Variants in SPAG16 observed in about 807,000 individuals in gnomAD.
SPAG16 encodes sperm-associated antigen 16 protein.
In SPAG16, 86 loss-of-function variants were observed where a neutral mutation model predicts 80.4. That is an observed-to-expected ratio of 1.07 (90% confidence interval 0.90 to 1.28). SPAG16 has a LOEUF of 1.28. Among genes scored for constraint, SPAG16 ranks in the 50% most tolerant of loss-of-function variants. The pLI, the probability that SPAG16 is intolerant of heterozygous loss-of-function variation, is 0.00. For missense variants in SPAG16, 870 were observed against 765.3 expected (o/e 1.14, Z -1.61); for synonymous variants, 294 against 265.9 (o/e 1.11, Z -1.03).
At chr2:213,473,382 T>G (rs1345775124) in intron 9 of SPAG16, among the ~76,000 whole-genome samples, 2 of 152,182 alleles carry the variant, frequency 1.3e-5, no homozygotes, top group Non-Finnish European at 2.9e-5. Flanking sequence ...AGATCTGACA[T>G]ACAGAGAAGA....
In SPAG16 at chr2:213,384,898, G is replaced by T. The variant is rs1230216081; in HGVS notation, c.942+9779G>T. Reference sequence around the variant, plus strand: ...AGCGTTCTATGGTTCAGGATATCCTGATAGCCCTTACCACCTTGCTGTTCT... The same window carrying T: ...AGCGTTCTATGGTTCAGGATATCCTTATAGCCCTTACCACCTTGCTGTTCT... On this transcript the variant is annotated intron_variant, in intron 9 of 15. Coordinates refer to ENST00000331683, the MANE Select transcript of SPAG16 (RefSeq NM_024532.5). Among the ~76,000 whole-genome samples the T allele has an allele frequency of 1.3e-5, 2 of 152,180 alleles. 1 individual carries two copies. Among genetic ancestry groups the T allele is most frequent in the African/African-American group, 4.8e-5 (2 of 41,450 alleles).
intron 10 of SPAG16, among the ~76,000 whole-genome samples, chr2:213,667,375 C>T (rs573147200): frequency 6.6e-6 from 1 of 152,272 alleles, no homozygotes; most frequent in African/African-American, 2.4e-5. Context: ...AAAGCGGGTT[C>T]TTGCACCCAC....
chr2:214,237,717 T>C (rs769495922), intron 15 of SPAG16, among the ~76,000 whole-genome samples: 4 of 152,042 alleles, frequency 2.6e-5, no homozygotes, highest in Non-Finnish European at 4.4e-5. Flanking sequence ...TAACTATATC[T>C]TTACTTCATC....
chr2:213,836,469 T>C (rs1215718085), intron 10 of SPAG16, among the ~76,000 whole-genome samples: 1 of 152,158 alleles, frequency 6.6e-6, no homozygotes, highest in African/African-American at 2.4e-5. Flanking sequence ...GCATTGGTTG[T>C]TATGATGCTT....
At chr2:214,379,239 A>G (rs1358254908) in intron 15 of SPAG16, among the ~76,000 whole-genome samples, 1 of 152,248 alleles carries the variant, frequency 6.6e-6, no homozygotes, top group Admixed American at 6.5e-5. Flanking sequence ...TTTCCTACCC[A>G]ACCAACTCTG....
Position 214,320,340 on chromosome 2 carries a change from A to G in SPAG16, c.1721-89800A>G, listed in dbSNP as rs745808859. 5.9e-5 allele frequency among the ~76,000 whole-genome samples: 9 copies of G among 152,306 alleles called. No individual in the cohort carries two copies. The South Asian group carries it at 1.5e-3, about 25-fold the overall frequency. Reference sequence around the variant, plus strand: ...CTTCTTGTACTCCTACATATGGGGTAAGGGCCTCCCTTGCTCCCATGATAC... The same window carrying G: ...CTTCTTGTACTCCTACATATGGGGTGAGGGCCTCCCTTGCTCCCATGATAC... On this transcript the variant is annotated intron_variant, in intron 15 of 15. Coordinates refer to ENST00000331683, the MANE Select transcript of SPAG16 (RefSeq NM_024532.5).
At chr2:213,746,667 C>T (rs968887796) in intron 10 of SPAG16, among the ~76,000 whole-genome samples, 3 of 151,986 alleles carry the variant, frequency 2.0e-5, no homozygotes, top group Non-Finnish European at 2.9e-5. Context: ...ATTAGCTGGG[C>T]GTGGTGGTGC....
chr2:214,213,344 T>A, intron 15 of SPAG16, among the ~76,000 whole-genome samples: 1 of 152,322 alleles, frequency 6.6e-6, no homozygotes, highest in Middle Eastern at 3.4e-3. Context: ...GCCTGAATTT[T>A]AAGCAAAGCT....
intron 10 of SPAG16, among the ~76,000 whole-genome samples, chr2:213,613,929 A>T (rs1024464986): frequency 1.3e-5 from 2 of 152,216 alleles, no homozygotes; most frequent in Non-Finnish European, 2.9e-5. Flanking sequence ...TTCAAATAGA[A>T]ACTGATGTTA....
chr2:213,615,262 G>C (rs889370373), intron 10 of SPAG16, among the ~76,000 whole-genome samples: 1 of 152,178 alleles, frequency 6.6e-6, no homozygotes, highest in Admixed American at 6.5e-5. Flanking sequence ...TAATGTATTC[G>C]TATTCTTGAG....
intron 10 of SPAG16, among the ~76,000 whole-genome samples, chr2:213,616,891 A>T (rs951022281): frequency 6.6e-6 from 1 of 152,202 alleles, no homozygotes; most frequent in African/African-American, 2.4e-5. Flanking sequence ...TATTGGGAAT[A>T]GGAAGGAATG....
At chr2:213,748,392 A>G (rs887350761) in intron 10 of SPAG16, among the ~76,000 whole-genome samples, 1 of 152,116 alleles carries the variant, frequency 6.6e-6, no homozygotes, top group African/African-American at 2.4e-5. Context: ...TGTCTTTAAA[A>G]AGATATAAGT....
chr2:213,616,748 G>A (rs893914644), intron 10 of SPAG16, among the ~76,000 whole-genome samples: 1 of 152,046 alleles, frequency 6.6e-6, no homozygotes, highest in Admixed American at 6.6e-5. Context: ...TTAAATATTA[G>A]GACTTTGAGA....
chr2:214,037,982 T>G (rs1276650599), intron 13 of SPAG16, among the ~76,000 whole-genome samples: 2 of 151,848 alleles, frequency 1.3e-5, no homozygotes, highest in East Asian at 3.9e-4. Context: ...ACATATTGGG[T>G]TTTACTTTGT....
chr2:213,737,844 G>T (rs2067362563), intron 10 of SPAG16, among the ~76,000 whole-genome samples: 1 of 152,084 alleles, frequency 6.6e-6, no homozygotes, highest in Non-Finnish European at 1.5e-5. Context: ...AATGTAGGTT[G>T]AGAAGTTATT....
At chr2:213,863,193 G>A (rs1290092174) in intron 11 of SPAG16, among the ~76,000 whole-genome samples, 1 of 151,856 alleles carries the variant, frequency 6.6e-6, no homozygotes. Flanking sequence ...GACACAGATG[G>A]AAAACTGCCC....
At chr2:213,908,395 A>G (rs1188357772) in intron 11 of SPAG16, among the ~76,000 whole-genome samples, 1 of 152,164 alleles carries the variant, frequency 6.6e-6, no homozygotes, top group East Asian at 1.9e-4. Flanking sequence ...AAGAAAACTC[A>G]TTGCAAAGTT....
At chr2:214,331,529 T>A (rs1696914282) in intron 15 of SPAG16, among the ~76,000 whole-genome samples, 1 of 152,210 alleles carries the variant, frequency 6.6e-6, no homozygotes, top group Non-Finnish European at 1.5e-5. Context: ...CCTTGGGAAG[T>A]ACGTAAAGCT....
chr2:213,869,647 T>G (rs1310742181), intron 11 of SPAG16, among the ~76,000 whole-genome samples: 2 of 25,014 alleles, frequency 8.0e-5, no homozygotes, highest in South Asian at 5.0e-3. Flanking sequence ...CTTTGAGTAG[T>G]TTTTTTTTTT....
Sources: gnomAD v4.1 joint callset for allele counts (sites outside exome capture counted in the v4.1 genomes callset) on GRCh38, gnomAD v4.1.1 for gene constraint, MANE v1.5 for transcripts, NCBI Gene and HGNC (gene_info 2026-07-23, HGNC 2026-07-21) for gene names.